Variants in TRABD2B observed in about 807,000 individuals in gnomAD.
TRABD2B encodes TraB domain containing 2B.
TRABD2B carries 14 observed loss-of-function variants against 40.1 expected under a neutral mutation model. The observed-to-expected ratio is 0.35, with a 90% CI of 0.23 to 0.55. The LOEUF is 0.55. TRABD2B is among the 20% of genes least tolerant of loss of function. The pLI is 0.90. For missense variants in TRABD2B, 541 were observed against 648.6 expected, an observed-to-expected ratio of 0.83 and a Z score of 1.80; for synonymous variants, 263 against 277.0, an observed-to-expected ratio of 0.95 and a Z score of 0.50.
At chr1:47,959,356 T>C (rs1410525185) in intron 2 of TRABD2B, among the ~76,000 whole-genome samples, 1 of 151,934 alleles carries the variant, frequency 6.6e-6, no homozygotes, top group Admixed American at 6.6e-5. Flanking sequence ...AAGAAATAAC[T>C]AAGATCAGAG....
intron 2 of TRABD2B, among the ~76,000 whole-genome samples, chr1:47,912,219 A>C (rs1644772533): frequency 6.6e-6 from 1 of 152,220 alleles, no homozygotes; most frequent in South Asian, 2.1e-4. Context: ...GATATAAACT[A>C]ATCTATTTAG....
At chr1:47,923,490 T>TG (rs1327698444) in intron 2 of TRABD2B, among the ~76,000 whole-genome samples, 1 of 152,142 alleles carries the variant, frequency 6.6e-6, no homozygotes, top group Non-Finnish European at 1.5e-5. Context: ...TAGAGGATCT[T>TG]GGGAAAGGAT....
At chr1:47,867,795 C>T (rs1644081380) in intron 2 of TRABD2B, among the ~76,000 whole-genome samples, 1 of 152,130 alleles carries the variant, frequency 6.6e-6, no homozygotes, top group Admixed American at 6.5e-5. Flanking sequence ...AAAAAGCAAA[C>T]ATGAAATGTG....
chr1:47,914,559 G>T (rs1449769349), intron 2 of TRABD2B, among the ~76,000 whole-genome samples: 1 of 152,236 alleles, frequency 6.6e-6, no homozygotes, highest in Non-Finnish European at 1.5e-5. Context: ...GTGTGCAATT[G>T]GATAACTGAA....
intron 2 of TRABD2B, among the ~76,000 whole-genome samples, chr1:47,842,637 A>G (rs899614881): frequency 1.3e-5 from 2 of 152,210 alleles, no homozygotes; most frequent in Admixed American, 6.5e-5. Context: ...CACTTGGGCA[A>G]GTGGCTTACT....
chr1:47,821,725 C>T (rs1167212679), intron 2 of TRABD2B, among the ~76,000 whole-genome samples: 5 of 152,134 alleles, frequency 3.3e-5, no homozygotes, highest in Non-Finnish European at 7.3e-5. Context: ...TGTGATCCTG[C>T]AAAGGCCTGC....
At chr1:47,815,073 G>A (rs1645013033) in intron 2 of TRABD2B, among the ~76,000 whole-genome samples, 1 of 152,188 alleles carries the variant, frequency 6.6e-6, no homozygotes, top group Non-Finnish European at 1.5e-5. Context: ...GCAAGAACAA[G>A]GGATCGGTCT....
chr1:47,878,555 A>G (rs552504669), intron 2 of TRABD2B, among the ~76,000 whole-genome samples: 5 of 152,288 alleles, frequency 3.3e-5, no homozygotes, highest in Admixed American at 1.3e-4. Flanking sequence ...TCTCTCCTTA[A>G]TGATGTCAAA....
At chr1:47,921,767 ACT>A in intron 2 of TRABD2B, among the ~76,000 whole-genome samples, 1 of 152,138 alleles carries the variant, frequency 6.6e-6, no homozygotes, top group African/African-American at 2.4e-5. Context: ...ATGCCAGGAG[ACT>A]CTGGCCGTCA....
At chr1:47,957,864 C>A (rs1376262324) in intron 2 of TRABD2B, among the ~76,000 whole-genome samples, 28 of 152,090 alleles carry the variant, frequency 1.8e-4, no homozygotes, top group Admixed American at 1.8e-3. Flanking sequence ...GAGACCACCA[C>A]GAAGATATTC....
At chr1:47,922,202 C>T (rs1644911964) in intron 2 of TRABD2B, among the ~76,000 whole-genome samples, 1 of 152,186 alleles carries the variant, frequency 6.6e-6, no homozygotes, top group Non-Finnish European at 1.5e-5. Context: ...GGAGAGGGAT[C>T]CACGCTGTGG....
chr1:47,801,001 C>G (rs1213737611), intron 3 of TRABD2B, among the ~76,000 whole-genome samples: 5 of 152,182 alleles, frequency 3.3e-5, no homozygotes, highest in African/African-American at 1.2e-4. Context: ...ATGGTGGAGT[C>G]TGAGCAGGGG....
intron 2 of TRABD2B, among the ~76,000 whole-genome samples, chr1:47,921,466 C>G (rs1644900899): frequency 6.6e-6 from 1 of 152,208 alleles, no homozygotes; most frequent in South Asian, 2.1e-4. Flanking sequence ...ACACAACTTT[C>G]ATGACAAGAG....
At chr1:47,903,486 G>C (rs1259163313) in intron 2 of TRABD2B, among the ~76,000 whole-genome samples, 3 of 152,108 alleles carry the variant, frequency 2.0e-5, no homozygotes, top group Admixed American at 6.5e-5. Flanking sequence ...AAGGAGCTTT[G>C]TCTGCACTGT....
At chr1:47,869,526 T>C (rs1644110712) in intron 2 of TRABD2B, among the ~76,000 whole-genome samples, 1 of 152,216 alleles carries the variant, frequency 6.6e-6, no homozygotes. Flanking sequence ...TTTTCCATTC[T>C]GGATATCTGC....
At chr1:47,901,042 C>T (rs1644593794) in intron 2 of TRABD2B, among the ~76,000 whole-genome samples, 1 of 152,166 alleles carries the variant, frequency 6.6e-6, no homozygotes, top group African/African-American at 2.4e-5. Context: ...TACAGACAAT[C>T]ATAAAAGGGT....
At chr1:47,913,044 T>C (rs1644783700) in intron 2 of TRABD2B, among the ~76,000 whole-genome samples, 1 of 152,136 alleles carries the variant, frequency 6.6e-6, no homozygotes, top group Non-Finnish European at 1.5e-5. Context: ...AAAAGGTTCT[T>C]TTACTTCTTC....
intron 2 of TRABD2B, among the ~76,000 whole-genome samples, chr1:47,897,318 G>A (rs949078147): frequency 8.5e-5 from 13 of 152,146 alleles, no homozygotes; most frequent in African/African-American, 3.1e-4. Flanking sequence ...GAGAGGAAGC[G>A]AGCTGGGGGC....
chr1:47,899,827 C>CTGCTGTCAG (rs1267979695), intron 2 of TRABD2B, among the ~76,000 whole-genome samples: 1 of 152,160 alleles, frequency 6.6e-6, no homozygotes, highest in East Asian at 1.9e-4. Context: ...GTTGCCCCAG[C>CTGCTGTCAG]TGCTGTCAGT....
Sources: allele counts gnomAD v4.1 joint callset (sites outside exome capture counted in the v4.1 genomes callset), GRCh38; gene constraint gnomAD v4.1.1; transcripts MANE v1.5; gene names NCBI Gene and HGNC (gene_info 2026-07-23, HGNC 2026-07-21).